INTS1: variants seen among roughly 807,000 people sequenced by gnomAD.
INTS1 encodes the protein integrator complex subunit 1.
A neutral mutation model predicts 241.6 loss-of-function variants in INTS1; 137 were observed. The observed-to-expected ratio is 0.57, with a 90% CI of 0.49 to 0.65. The LOEUF (loss-of-function observed/expected upper bound fraction) is 0.65, where lower values mean the gene tolerates loss of function less well. INTS1 is among the 30% of genes least tolerant of loss of function. The probability of loss-of-function intolerance (pLI) is 0.00; values close to 1 mark genes in which losing one functional copy is unlikely to be tolerated. For synonymous variants in INTS1, 1,692 were observed against 1,337.8 expected, an observed-to-expected ratio of 1.26 and a Z score of -5.78; for missense variants, 3,073 against 3,032.2, an observed-to-expected ratio of 1.01 and a Z score of -0.32.
Position 1,477,602 on chromosome 7 carries a change from A to G in INTS1, c.4886T>C (p.Val1629Ala). Residue 1629 changes from valine to alanine, a missense_variant, in exon 35 of 48, where the codon GTG becomes GCG. By Grantham distance (64) the Val-to-Ala change is moderately conservative. Transcript: ENST00000404767. Reference sequence around the variant, plus strand: ...CTGCAGGTCGGGGCAGCTGCTGACCACCTCGGGGTCCAGCATTTCCAGCCA... The same window carrying G: ...CTGCAGGTCGGGGCAGCTGCTGACCGCCTCGGGGTCCAGCATTTCCAGCCA... ...VDWLEMLDPE[V>A]VSSCPDLQLR... 4.5e-6 allele frequency: 7 copies of G among 1,564,868 alleles called. No homozygotes were observed. The highest frequency in any genetic ancestry group is 1.9e-4 in the Middle Eastern group (1 of 5,206).
intron 2 of INTS1, among the ~76,000 whole-genome samples, chr7:1,503,504 C>T (rs944434897): frequency 2.0e-5 from 3 of 152,210 alleles, no homozygotes; most frequent in Non-Finnish European, 4.4e-5. Context: ...GAGAAAGGGA[C>T]ACAGAGAGGT....
intron 33 of INTS1, 103 bp downstream of exon 33, chr7:1,478,263 C>T (rs539228706): frequency 1.1e-5 from 15 of 1,315,796 alleles, no homozygotes; most frequent in South Asian, 9.4e-5. Context: ...GGGGACAGTG[C>T]TGAGCAGACA....
chr7:1,503,859 A>AAAGT, intron 2 of INTS1, 44 bp downstream of exon 2: 1 of 1,367,490 alleles, frequency 7.3e-7, no homozygotes, highest in Non-Finnish European at 1.0e-6. Flanking sequence ...ACCCCCAAAG[A>AAAGT]CCCCCAAAGA....
Position 1,474,293 on chromosome 7 carries a change from G to C in INTS1, c.5704C>G (p.Gln1902Glu), listed in dbSNP as rs1781610188. 6.2e-7 allele frequency: 1 copy of C among 1,608,682 alleles called. No homozygotes were observed. The highest frequency in any genetic ancestry group is 1.3e-5 in the African/African-American group (1 of 74,786). ...TGCAGGAAGCAGCTCAGGTGGTTCT[G>C]CTGCCGGAACTCCTGGAAGTTGAGG... The part of the protein sequence containing the change: ...THLNFQEFRQ[Q>E]NHLSCFLHVL... The change falls in exon 41 of 48, where the codon CAG becomes GAG. Residue 1902 changes from glutamine to glutamate, a missense_variant. Gln to Glu is a conservative substitution (Grantham distance 29). Transcript: ENST00000404767.
chr7:1,484,167 C>A lies in INTS1; in HGVS notation c.3265G>T (p.Val1089Leu). ...GAGCGCTCCACGACCAGCCGGGCCACGTCCTGGTGTGTGGACAGGGGGGCG... is the reference window on the plus strand; with the variant it reads ...GAGCGCTCCACGACCAGCCGGGCCAAGTCCTGGTGTGTGGACAGGGGGGCG... ...QAQHSDLALD[V>L]ARLVVERSTI... Residue 1089 changes from valine (V) to leucine (L), a missense_variant, in exon 25 of 48, where the codon GTG becomes TTG. Coordinates refer to ENST00000404767, the MANE Select transcript of INTS1 (RefSeq NM_001080453.3). 1.9e-6 allele frequency: 3 copies of A among 1,608,258 alleles called. No homozygotes were observed. The highest frequency in any genetic ancestry group is 1.7e-6 in the Non-Finnish European group (2 of 1,177,694).
At chr7:1,498,936 AC>A (rs777425453) in intron 8 of INTS1, 38 bp downstream of exon 8, 1 of 933,268 alleles carries the variant, frequency 1.1e-6, no homozygotes, top group Non-Finnish European at 1.5e-6. Flanking sequence ...GCCTGCCCCC[AC>A]CCCCTGCCCC....
Position 1,498,692 on chromosome 7 carries a change from C to T in INTS1, c.1283+15G>A, listed in dbSNP as rs989989937. 10 of 1,549,058 alleles carry T rather than the reference C, an allele frequency of 6.5e-6. No individual in the cohort carries two copies. Among genetic ancestry groups the T allele is most frequent in the Non-Finnish European group, 7.9e-6 (9 of 1,146,356 alleles). On this transcript the variant is annotated intron_variant, in intron 9 of 47. Coordinates refer to ENST00000404767, the MANE Select transcript of INTS1 (RefSeq NM_001080453.3). ...CTCCACCCGCACCCCCGCTCTGCCC[C>T]GGCTCGCCACGCACCTGATGCACAG...
intron 26 of INTS1, 77 bp downstream of exon 26, chr7:1,483,665 C>T (rs779094837): frequency 2.9e-5 from 32 of 1,117,006 alleles, no homozygotes; most frequent in South Asian, 5.0e-5. Context: ...GGCAAGGATG[C>T]GGAAGCCGCT....
In INTS1 at chr7:1,477,817, TCAC is replaced by T. The variant is rs756173173; in HGVS notation, c.4747_4749del (p.Val1583del). On this transcript the variant is annotated inframe_deletion, in exon 34 of 48. Transcript: ENST00000404767. ...TCCTCCTCCTGCAGCAGCAGGGAGC[TCAC>T]CACCACAACGGGCTTACAGGCTGGA... 8 of 1,612,378 alleles carry T rather than the reference TCAC, an allele frequency of 5.0e-6. No individual in the cohort carries two copies. The highest frequency in any genetic ancestry group is 2.2e-5 in the East Asian group (1 of 44,882).
Position 1,481,576 on chromosome 7 carries a change from C to A in INTS1, c.3704-88G>T, listed in dbSNP as rs1781999869. On this transcript the variant is annotated intron_variant, in intron 27 of 47. Coordinates refer to ENST00000404767, the MANE Select transcript of INTS1 (RefSeq NM_001080453.3). The surrounding 1 kb of genome is among the most constrained non-coding windows in gnomAD (Gnocchi z 6.8). ...CCCGAGACCTGGGGCTGCCTGTGTG[C>A]AGTGACCCCACCCACCTGAGACCCT... is the stretch of plus-strand genomic sequence containing the variant. The A allele has an allele frequency of 7.1e-7, 1 of 1,408,418 alleles. No homozygotes were observed. The highest frequency in any genetic ancestry group is 9.5e-7 in the Non-Finnish European group (1 of 1,056,340). The allele number at this position is 1,408,418 out of a possible 1,614,324, so 87.2% of individuals were successfully genotyped here. A position where few individuals can be genotyped will look rare whatever the true frequency, so the allele number is the denominator to read the frequency against.
chr7:1,485,404 C>T lies in INTS1; in HGVS notation c.3042G>A (p.Glu1014=). Residue 1014 remains glutamate (E), a synonymous_variant, in exon 23 of 48, where the codon GAG becomes GAA. Transcript: ENST00000404767. ...GCACATCTGTGTCCCCCACATCCTC[C>T]TCCATGGGGGGCTCCTTCTCCTCCC... ...RDGEEKEPPM[E]EDVGDTDVLQ... is the part of the protein sequence containing the mutation. 1 of 1,612,816 alleles carries T rather than the reference C, an allele frequency of 6.2e-7. No individual in the cohort carries two copies. The highest frequency in any genetic ancestry group is 8.5e-7 in the Non-Finnish European group (1 of 1,179,782).
chr7:1,473,923 A>G (rs1781590419), intron 41 of INTS1, among the ~76,000 whole-genome samples: 1 of 152,232 alleles, frequency 6.6e-6, no homozygotes, highest in South Asian at 2.1e-4. Flanking sequence ...GAGGTAGCAC[A>G]AGCGACACGC....
chr7:1,491,656 T>G (rs1480691433), intron 16 of INTS1, among the ~76,000 whole-genome samples: 1 of 152,120 alleles, frequency 6.6e-6, no homozygotes, highest in East Asian at 1.9e-4. Context: ...ACCCCAACAC[T>G]TTAGGAGGTC....
At position 1,494,830 on chromosome 7, in the gene INTS1, G is replaced by C; in HGVS notation, c.1896C>G (p.Pro632=). Residue 632 remains proline, a synonymous_variant, in exon 14 of 48, where the codon CCC becomes CCG. Coordinates refer to ENST00000404767, the MANE Select transcript of INTS1 (RefSeq NM_001080453.3). Reference sequence around the variant, plus strand: ...AGCGCACTCACTTGCGGTCACTCTCGGGTGGCCAGTTGTCCCACTTGTAGT... The same window carrying C: ...AGCGCACTCACTTGCGGTCACTCTCCGGTGGCCAGTTGTCCCACTTGTAGT... The part of the protein sequence containing the change: ...ETYYKWDNWP[P]ESDRNFFLRL... 6.4e-7 allele frequency: 1 copy of C among 1,566,204 alleles called. No homozygotes were observed. The highest frequency in any genetic ancestry group is 1.2e-5 in the South Asian group (1 of 84,930).
Position 1,499,066 on chromosome 7 carries a change from T to A in INTS1, c.1046A>T (p.Asn349Ile). The A allele has an allele frequency of 2.5e-6, 4 of 1,603,324 alleles. No homozygotes were observed. The highest frequency in any genetic ancestry group is 3.4e-6 in the Non-Finnish European group (4 of 1,176,780). ...RRQPIDNVSR[N>I]LLRLLTSTCG... ...GGTGGAGGTGAGGAGCCGCAGGAGG[T>A]TCCTGGAGACGTTGTCGATGGGCTG... Residue 349 changes from asparagine (N) to isoleucine (I), a missense_variant, in exon 8 of 48, where the codon AAC becomes ATC. Transcript: ENST00000404767.
rs1782922552 is a variant in INTS1, at chr7:1,497,552, G to A, written c.1426-238C>T. On this transcript the variant is annotated intron_variant, in intron 10 of 47. Transcript: ENST00000404767. The surrounding 1 kb of genome is among the most constrained non-coding windows in gnomAD (Gnocchi z 5.3). ...TGGGGAGTCGGTCCTCGTGAAATGA[G>A]GAGGATTAATTAACGGAAGCTGGGG... 6.6e-6 allele frequency among the ~76,000 whole-genome samples: 1 copy of A among 152,166 alleles called. No individual in the cohort carries two copies. Among genetic ancestry groups the A allele is most frequent in the African/African-American group, 2.4e-5 (1 of 41,446 alleles).
Position 1,476,070 on chromosome 7 carries a change from C to T in INTS1, c.5380G>A (p.Val1794Met), listed in dbSNP as rs773961874. 8.4e-6 allele frequency: 13 copies of T among 1,542,070 alleles called. No homozygotes were observed. The highest frequency in any genetic ancestry group is 4.1e-5 in the African/African-American group (3 of 72,980). Residue 1794 changes from valine to methionine, a missense_variant and splice_region_variant, in exon 39 of 48, where the codon GTG (valine) becomes ATG (methionine). Val to Met is a conservative substitution (Grantham distance 21, BLOSUM62 1). Coordinates refer to ENST00000404767, the MANE Select transcript of INTS1 (RefSeq NM_001080453.3). ...SGCIQQWGDS[V>M]LGRRCRDLLL... The stretch of plus-strand genomic sequence containing the variant: ...AGGTCTCGGCAGCGCCTGCCCAGCA[C>T]GCTGGAAGAGGTGGAGCAGGGCTCA...
intron 16 of INTS1, among the ~76,000 whole-genome samples, chr7:1,490,339 C>A (rs780957618): frequency 6.6e-6 from 1 of 151,638 alleles, no homozygotes; most frequent in Non-Finnish European, 1.5e-5. Context: ...GTCAGCTCTG[C>A]ATAAAGGGAC....
intron 44 of INTS1, 41 bp downstream of exon 44, chr7:1,472,232 A>AG (rs1275485602): frequency 8.3e-6 from 12 of 1,444,468 alleles, no homozygotes; most frequent in Non-Finnish European, 1.1e-5. Flanking sequence ...CATGGGACCC[A>AG]GGGCGCTGAC....
Sources: allele counts gnomAD v4.1 joint callset (sites outside exome capture counted in the v4.1 genomes callset), GRCh38; gene constraint gnomAD v4.1.1; non-coding constraint Gnocchi (gnomAD v3.1); transcripts MANE v1.5; gene names NCBI Gene and HGNC (gene_info 2026-07-23, HGNC 2026-07-21).